RXFP1: variants seen among roughly 807,000 people sequenced by gnomAD.
RXFP1 encodes relaxin family peptide receptor 1, also known as relaxin receptor 1.
In RXFP1, 73 loss-of-function variants were observed where a neutral mutation model predicts 89.8. The ratio of observed to expected loss-of-function variants is 0.81; its 90% confidence interval spans 0.67 to 0.99. RXFP1 has a LOEUF of 0.99. Among genes scored for constraint, RXFP1 ranks in the 50% least tolerant of loss-of-function variants. The pLI is 0.00. For synonymous variants in RXFP1, 277 were observed against 305.5 expected, an observed-to-expected ratio of 0.91 and a Z score of 0.97; for missense variants, 793 against 895.5, an observed-to-expected ratio of 0.89 and a Z score of 1.46.
intron 16 of RXFP1, among the ~76,000 whole-genome samples, chr4:158,647,586 T>C (rs1217719438): frequency 6.6e-6 from 1 of 152,174 alleles, no homozygotes; most frequent in Admixed American, 6.5e-5. Flanking sequence ...AAAAAATCAC[T>C]AGGCCAGGCA....
intron 2 of RXFP1, among the ~76,000 whole-genome samples, chr4:158,584,865 T>C (rs1757997969): frequency 6.6e-6 from 1 of 152,194 alleles, no homozygotes; most frequent in Non-Finnish European, 1.5e-5. Flanking sequence ...CATATGCCAA[T>C]GGAGACAATT....
chr4:158,553,556 T>C (rs1750625399), intron 1 of RXFP1, among the ~76,000 whole-genome samples: 1 of 152,158 alleles, frequency 6.6e-6, no homozygotes, highest in South Asian at 2.1e-4. Flanking sequence ...CGTGGAGAGA[T>C]GCACTGTGGG....
At chr4:158,633,267 A>C (rs904488996) in intron 11 of RXFP1, 138 bp from the exon 12 acceptor site, 1 of 576,946 alleles carries the variant, frequency 1.7e-6, no homozygotes, top group Middle Eastern at 2.9e-4. Flanking sequence ...TCCTTTTTTA[A>C]ATTTTTAGAC....
chr4:158,551,427 C>T (rs745978363), intron 1 of RXFP1, among the ~76,000 whole-genome samples: 1 of 152,098 alleles, frequency 6.6e-6, no homozygotes, highest in Non-Finnish European at 1.5e-5. Context: ...AGAGATCTGT[C>T]GTACAGCATG....
At chr4:158,599,189 C>A in intron 3 of RXFP1, 137 bp from the exon 4 acceptor site, 1 of 1,371,004 alleles carries the variant, frequency 7.3e-7, no homozygotes, top group Non-Finnish European at 9.9e-7. Flanking sequence ...TAAAGCATTG[C>A]CTAAATTGCC....
intron 2 of RXFP1, among the ~76,000 whole-genome samples, chr4:158,584,656 G>C (rs573399832): frequency 6.6e-6 from 1 of 152,216 alleles, no homozygotes; most frequent in Admixed American, 6.5e-5. Context: ...GGGAGCCCAG[G>C]AGTGACCCTG....
rs1302151300 is a variant in RXFP1, at chr4:158,652,031, A to C, written c.2250A>C (p.Ser750=). The C allele has an allele frequency of 2.5e-6, 4 of 1,612,732 alleles. No homozygotes were observed. Among genetic ancestry groups the C allele is most frequent in the Non-Finnish European group, 3.4e-6 (4 of 1,179,040 alleles). ...GTGAAATGTCACTGATTTCTCAATC[A>C]ACGAGACTCAATTCCTATTCATGAC... The part of the protein sequence containing the change: ...YPCEMSLISQ[S]TRLNSYS The change falls in exon 18 of 18, where the codon TCA becomes TCC. Residue 750 remains serine (S), a synonymous_variant. Coordinates refer to ENST00000307765, the MANE Select transcript of RXFP1 (RefSeq NM_021634.4).
intron 1 of RXFP1, among the ~76,000 whole-genome samples, chr4:158,568,684 T>C (rs900955215): frequency 2.0e-5 from 3 of 152,220 alleles, no homozygotes; most frequent in Non-Finnish European, 4.4e-5. Flanking sequence ...ACATTATTTG[T>C]AGCACAGCTC....
At chr4:158,615,140 C>A (rs1764305529) in intron 8 of RXFP1, among the ~76,000 whole-genome samples, 1 of 152,014 alleles carries the variant, frequency 6.6e-6, no homozygotes, top group South Asian at 2.1e-4. Flanking sequence ...GGCTTAATTT[C>A]AATATTGTTG....
chr4:158,605,110 C>T lies in RXFP1; in HGVS notation c.435C>T (p.Cys145=), dbSNP rs367796878. 40 of 1,594,662 alleles carry T rather than the reference C, an allele frequency of 2.5e-5. No individual in the cohort carries two copies. The African/African-American group carries it at 4.0e-4, about 16-fold the overall frequency. The change falls in exon 5 of 18, where the codon TGC becomes TGT. Residue 145 remains cysteine (C), a synonymous_variant. Coordinates refer to ENST00000307765, the MANE Select transcript of RXFP1 (RefSeq NM_021634.4). The part of the protein sequence containing the change: ...WNLIRKLPPD[C]FKNYHDLQKL... ...TAATAAGAAAGCTTCCTCCTGATTG[C>T]TTCAAGAATTATCATGATCTTCAGA...
At chr4:158,613,130 T>C (rs2150135115) in intron 8 of RXFP1, among the ~76,000 whole-genome samples, 1 of 152,366 alleles carries the variant, frequency 6.6e-6, no homozygotes, top group Middle Eastern at 3.4e-3. Context: ...CATACCTTAA[T>C]TTTAAAACTC....
intron 1 of RXFP1, among the ~76,000 whole-genome samples, chr4:158,547,870 C>G (rs1211154651): frequency 6.6e-6 from 1 of 152,044 alleles, no homozygotes; most frequent in Non-Finnish European, 1.5e-5. Context: ...TTACTTCCAA[C>G]TATGTGGTCA....
In RXFP1 at chr4:158,550,470, G is replaced by C. The variant is rs188741365; in HGVS notation, c.50-22228G>C. 1.4e-3 allele frequency among the ~76,000 whole-genome samples: 210 copies of C among 152,334 alleles called. 1 individual carries two copies. Among genetic ancestry groups the C allele is most frequent in the Non-Finnish European group, 2.0e-3 (138 of 68,034 alleles). On this transcript the variant is annotated intron_variant, in intron 1 of 17. Transcript: ENST00000307765. ...CTGCACCCAGTGACCTGCACCCACT[G>C]TCTGGCACTCCCTAGTGAGATGAAC...
chr4:158,601,491 T>C (rs185221189), intron 4 of RXFP1, among the ~76,000 whole-genome samples: 1 of 152,342 alleles, frequency 6.6e-6, no homozygotes, highest in East Asian at 1.9e-4. Context: ...GTATTTTTTA[T>C]TTTTTGTTCA....
intron 7 of RXFP1, 38 bp from the exon 8 acceptor site, chr4:158,612,253 A>AT (rs778286932): frequency 6.2e-7 from 1 of 1,602,934 alleles, no homozygotes; most frequent in African/African-American, 1.3e-5. Context: ...GATTCTAGAG[A>AT]TATATAAATG....
chr4:158,522,821 G>A (rs1579301457), intron 1 of RXFP1, among the ~76,000 whole-genome samples: 1 of 152,140 alleles, frequency 6.6e-6, no homozygotes, highest in Non-Finnish European at 1.5e-5. Context: ...TTCCGGGAAT[G>A]TGGGCTTTTA....
intron 1 of RXFP1, among the ~76,000 whole-genome samples, chr4:158,571,310 C>T (rs1010087958): frequency 1.3e-5 from 2 of 152,130 alleles, no homozygotes; most frequent in African/African-American, 4.8e-5. Context: ...TCCTGTTATC[C>T]TCTATGTCTT....
chr4:158,614,651 T>A (rs1218827800), intron 8 of RXFP1, among the ~76,000 whole-genome samples: 1 of 152,222 alleles, frequency 6.6e-6, no homozygotes, highest in Non-Finnish European at 1.5e-5. Flanking sequence ...AGGAATGATG[T>A]GGCTGGTTTA....
chr4:158,616,024 C>G (rs940702623), intron 8 of RXFP1, among the ~76,000 whole-genome samples: 47 of 152,188 alleles, frequency 3.1e-4, no homozygotes, highest in Admixed American at 2.0e-4. Context: ...TGGGCACATG[C>G]TATTGGAGAA....
Sources: gnomAD v4.1 joint callset for allele counts (sites outside exome capture counted in the v4.1 genomes callset) on GRCh38, gnomAD v4.1.1 for gene constraint, MANE v1.5 for transcripts, NCBI Gene and HGNC (gene_info 2026-07-23, HGNC 2026-07-21) for gene names.